TTC38: variants seen among roughly 807,000 people sequenced by gnomAD.
TTC38 encodes tetratricopeptide repeat protein 38.
TTC38 carries 64 observed loss-of-function variants against 64.2 expected under a neutral mutation model. The observed-to-expected ratio is 1.00, with a 90% CI of 0.81 to 1.23. The LOEUF is 1.23. TTC38 is among the 50% of genes most tolerant of loss of function. The pLI is 0.00. For synonymous variants in TTC38, 254 were observed against 249.3 expected (o/e 1.02, Z -0.18); for missense variants, 573 against 615.5 (o/e 0.93, Z 0.73).
chr22:46,282,122 C>G lies in TTC38; in HGVS notation c.735+404C>G. 1 of 388,110 alleles carries G rather than the reference C, an allele frequency of 2.6e-6. No homozygotes were observed. Among genetic ancestry groups the G allele is most frequent in the South Asian group, 1.9e-5 (1 of 52,118 alleles). 24.0% of individuals were successfully genotyped at this position (388,110 alleles called of 1,614,324 possible). A position where few individuals can be genotyped will look rare whatever the true frequency, so the allele number is the denominator to read the frequency against. On this transcript the variant is annotated intron_variant, in intron 7 of 13. Coordinates refer to ENST00000381031, the MANE Select transcript of TTC38 (RefSeq NM_017931.4). This position sits in a 1 kb window ranked among gnomAD's most constrained non-coding sequence, Gnocchi z 4.4. Reference sequence around the variant, plus strand: ...AGGGAAGGCATCCTGGAGGGGGCAACCTCTGAGTTGGCTACTGAAGGATGA... The same window carrying G: ...AGGGAAGGCATCCTGGAGGGGGCAAGCTCTGAGTTGGCTACTGAAGGATGA...
chr22:46,275,537 C>G lies in TTC38; in HGVS notation c.539+116C>G, dbSNP rs774476435. 11 of 1,052,128 alleles carry G rather than the reference C, an allele frequency of 1.0e-5. No homozygotes were observed. The highest frequency in any genetic ancestry group is 1.4e-5 in the Non-Finnish European group (10 of 730,708). The allele number at this position is 1,052,128 out of a possible 1,614,324, so 65.2% of individuals were successfully genotyped here. ...AAATAATGGGACCACTGTTGCTATTCTCCTAGTTCCTTAAAGTTCAAAGGC... is the reference window on the plus strand; with the variant it reads ...AAATAATGGGACCACTGTTGCTATTGTCCTAGTTCCTTAAAGTTCAAAGGC... On this transcript the variant is annotated intron_variant, in intron 5 of 13. Transcript: ENST00000381031. The surrounding 1 kb of genome is among the most constrained non-coding windows in gnomAD (Gnocchi z 4.5).
intron 7 of TTC38, among the ~76,000 whole-genome samples, chr22:46,283,387 G>A (rs1217390976): frequency 1.3e-5 from 2 of 152,148 alleles, no homozygotes; most frequent in African/African-American, 4.8e-5. Context: ...CCTCTGCACC[G>A]GTCCTGGGGC....
intron 2 of TTC38, chr22:46,269,070 G>T: frequency 2.5e-6 from 1 of 392,340 alleles, no homozygotes; most frequent in Non-Finnish European, 5.0e-6. Context: ...GGACGTGGGA[G>T]GGTGGGGACA....
At position 46,287,172 on chromosome 22, in the gene TTC38, C is replaced by A; in HGVS notation, c.916+18C>A. 1.3e-6 allele frequency: 2 copies of A among 1,589,050 alleles called. No individual in the cohort carries two copies. The highest frequency in any genetic ancestry group is 1.7e-5 in the Admixed American group (1 of 59,146). On this transcript the variant is annotated intron_variant, in intron 10 of 13. Coordinates refer to ENST00000381031, the MANE Select transcript of TTC38 (RefSeq NM_017931.4). Reference sequence around the variant, plus strand: ...GATGGAAGGTAGCCATCCCTGCAGCCCCACTGGCTTCTGCCTCTTCCTCCC... The same window carrying A: ...GATGGAAGGTAGCCATCCCTGCAGCACCACTGGCTTCTGCCTCTTCCTCCC...
Position 46,282,917 on chromosome 22 carries a change from C to G in TTC38, c.736-1056C>G, listed in dbSNP as rs1385679242. On this transcript the variant is annotated intron_variant, in intron 7 of 13. Transcript: ENST00000381031. The surrounding 1 kb of genome is among the most constrained non-coding windows in gnomAD (Gnocchi z 4.4). ...GGAGTGTGGCCCTGGGCCTGTTGAT[C>G]TCTGCAGGTTTTTGTTTTTGTTTTT... Among the ~76,000 whole-genome samples the G allele has an allele frequency of 6.6e-6, 1 of 152,150 alleles. No homozygotes were observed. Among genetic ancestry groups the G allele is most frequent in the Non-Finnish European group, 1.5e-5 (1 of 68,018 alleles).
At position 46,268,504 on chromosome 22, in the gene TTC38, C is replaced by T. The variant is rs1489648306; in HGVS notation, c.34-10C>T. 1.2e-6 allele frequency: 2 copies of T among 1,613,844 alleles called. No individual in the cohort carries two copies. The highest frequency in any genetic ancestry group is 1.7e-6 in the Non-Finnish European group (2 of 1,179,932). On this transcript the variant is annotated splice_polypyrimidine_tract_variant and intron_variant, in intron 1 of 13. Transcript: ENST00000381031. ...AGAAGGCACTGCTATTCCCTTCTTGCCGTCTGTAGGCCTGGAAGGATGCGA... is the reference window on the plus strand; with the variant it reads ...AGAAGGCACTGCTATTCCCTTCTTGTCGTCTGTAGGCCTGGAAGGATGCGA...
At chr22:46,287,971 A>T (rs1366355863) in intron 10 of TTC38, among the ~76,000 whole-genome samples, 1 of 152,150 alleles carries the variant, frequency 6.6e-6, no homozygotes, top group Non-Finnish European at 1.5e-5. Context: ...ATGTGGTCAG[A>T]TGGGCCAACA....
chr22:46,288,889 A>G (rs2077591354), intron 11 of TTC38, among the ~76,000 whole-genome samples: 1 of 152,248 alleles, frequency 6.6e-6, no homozygotes, highest in South Asian at 2.1e-4. Context: ...GAGAGGACAC[A>G]GTGAAGCCCT....
In TTC38 at chr22:46,274,132, A is replaced by T; in HGVS notation, c.365+63A>T. 2.0e-5 allele frequency: 21 copies of T among 1,041,962 alleles called. No homozygotes were observed. The highest frequency in any genetic ancestry group is 2.8e-5 in the Non-Finnish European group (20 of 701,950). The allele number at this position is 1,041,962 out of a possible 1,614,324, so 64.5% of individuals were successfully genotyped here. A position where few individuals can be genotyped will look rare whatever the true frequency, so the allele number is the denominator to read the frequency against. Reference sequence around the variant, plus strand: ...GGCTGAGCTGGGGGAGTGGCAGGGTATCCCTTTCCTGATGCCCTTGGGACG... The same window carrying T: ...GGCTGAGCTGGGGGAGTGGCAGGGTTTCCCTTTCCTGATGCCCTTGGGACG... On this transcript the variant is annotated intron_variant, in intron 4 of 13. Coordinates refer to ENST00000381031, the MANE Select transcript of TTC38 (RefSeq NM_017931.4). This position sits in a 1 kb window ranked among gnomAD's most constrained non-coding sequence, Gnocchi z 4.8.
At position 46,281,473 on chromosome 22, in the gene TTC38, G is replaced by A. The variant is rs144358576; in HGVS notation, c.616-126G>A. 5.6e-4 allele frequency: 410 copies of A among 727,992 alleles called. 4 individuals are homozygous for A. In the East Asian group the frequency reaches 9.0e-3, roughly 16 times the overall value. 45.1% of individuals were successfully genotyped at this position (727,992 alleles called of 1,614,324 possible). ...TGTCAGTGTTTTGAGTCAGAGCCCC[G>A]CCCCCCCACTTGCTCCACCCCGTTC... On this transcript the variant is annotated intron_variant, in intron 6 of 13. Transcript: ENST00000381031. The surrounding 1 kb of genome is among the most constrained non-coding windows in gnomAD (Gnocchi z 5.2).
At chr22:46,268,166 C>G in intron 1 of TTC38, 94 bp downstream of exon 1, 2 of 1,398,390 alleles carry the variant, frequency 1.4e-6, no homozygotes, top group South Asian at 1.3e-5. Flanking sequence ...ATGGCCCGGG[C>G]GCGGGGCGTG....
chr22:46,278,637 C>G lies in TTC38; in HGVS notation c.591C>G (p.Asp197Glu). The change falls in exon 6 of 14, where the codon GAC (aspartate) becomes GAG (glutamate). Residue 197 changes from aspartate to glutamate, a missense_variant. Coordinates refer to ENST00000381031, the MANE Select transcript of TTC38 (RefSeq NM_017931.4). Reference sequence around the variant, plus strand: ...GCTTGATGGAAACCAACTTCTACGACCAGGCAGAAAAACTCGCCAAAGAGG... The same window carrying G: ...GCTTGATGGAAACCAACTTCTACGAGCAGGCAGAAAAACTCGCCAAAGAGG... ...SFGLMETNFY[D>E]QAEKLAKEAL... 1 of 1,614,122 alleles carries G rather than the reference C, an allele frequency of 6.2e-7. No homozygotes were observed. The highest frequency in any genetic ancestry group is 1.3e-5 in the African/African-American group (1 of 75,028).
chr22:46,276,523 CA>C lies in TTC38; in HGVS notation c.539+1107del, dbSNP rs1175362286. On this transcript the variant is annotated intron_variant, in intron 5 of 13. Coordinates refer to ENST00000381031, the MANE Select transcript of TTC38 (RefSeq NM_017931.4). This position sits in a 1 kb window ranked among gnomAD's most constrained non-coding sequence, Gnocchi z 4.7. Reference sequence around the variant, plus strand: ...TCAACATGGCAAGACTCTGTCTCTACAAAAAGAAAAAATAAATTAAAAAAGT... The same window carrying C: ...TCAACATGGCAAGACTCTGTCTCTACAAAAGAAAAAATAAATTAAAAAAGT... Among the ~76,000 whole-genome samples, 1 of 151,412 alleles carries C rather than the reference CA, an allele frequency of 6.6e-6. No individual in the cohort carries two copies. Among genetic ancestry groups the C allele is most frequent in the Non-Finnish European group, 1.5e-5 (1 of 67,918 alleles).
In TTC38 at chr22:46,293,259, C is replaced by G. The variant is rs942092766; in HGVS notation, c.*375C>G. 1.3e-5 allele frequency: 3 copies of G among 230,408 alleles called. No homozygotes were observed. Among genetic ancestry groups the G allele is most frequent in the South Asian group, 1.6e-4 (2 of 12,168 alleles). The allele number at this position is 230,408 out of a possible 1,614,324, so 14.3% of individuals were successfully genotyped here. A position where few individuals can be genotyped will look rare whatever the true frequency, so the allele number is the denominator to read the frequency against. ...ACAGGTCTTCCAGAGGCAGCCTCCC[C>G]CCACTGCCTGTCCCCGTCCCCACCA... On this transcript the variant is annotated 3_prime_UTR_variant, in exon 14 of 14. Transcript: ENST00000381031. This position sits in a 1 kb window ranked among gnomAD's most constrained non-coding sequence, Gnocchi z 6.6.
At chr22:46,287,882 A>G (rs2077582928) in intron 10 of TTC38, among the ~76,000 whole-genome samples, 1 of 152,210 alleles carries the variant, frequency 6.6e-6, no homozygotes, top group Non-Finnish European at 1.5e-5. Flanking sequence ...TTACTCTCAG[A>G]GAAAGCAGAC....
At chr22:46,277,214 C>G (rs2077498514) in intron 5 of TTC38, among the ~76,000 whole-genome samples, 1 of 151,982 alleles carries the variant, frequency 6.6e-6, no homozygotes, top group Non-Finnish European at 1.5e-5. Flanking sequence ...GCCCTATTGC[C>G]CTATTTTGTT....
rs1374365416 is a variant in TTC38 at position 46,278,573 on chromosome 22, T to C, written c.540-13T>C. The C allele has an allele frequency of 1.2e-6, 2 of 1,611,528 alleles. No individual in the cohort carries two copies. The highest frequency in any genetic ancestry group is 3.3e-5 in the Admixed American group (2 of 60,016). ...ATCATTTTGTATTCTGAGATCTTTT[T>C]TTCTGTTTTTAGCTATGTGAAAGGC... On this transcript the variant is annotated splice_polypyrimidine_tract_variant and intron_variant, in intron 5 of 13. Coordinates refer to ENST00000381031, the MANE Select transcript of TTC38 (RefSeq NM_017931.4).
At position 46,283,978 on chromosome 22, in the gene TTC38, T is replaced by C. The variant is rs1355263751; in HGVS notation, c.741T>C (p.Ser247=). Residue 247 remains serine (S), a synonymous_variant, in exon 8 of 14, where the codon TCT becomes TCC. Coordinates refer to ENST00000381031, the MANE Select transcript of TTC38 (RefSeq NM_017931.4). ...CTTTTTTTTTTTTTCTCCAGGACTC[T>C]GATATGTTGGCTTGTCATAACTATT... ...MQHSETFWKD[S]DMLACHNYWH... 2 of 1,583,240 alleles carry C rather than the reference T, an allele frequency of 1.3e-6. No individual in the cohort carries two copies. The highest frequency in any genetic ancestry group is 8.6e-7 in the Non-Finnish European group (1 of 1,164,508).
rs1447864928 is a variant in TTC38, at chr22:46,282,231, G to A, written c.735+513G>A. 3.4e-6 allele frequency: 1 copy of A among 298,386 alleles called. No homozygotes were observed. Among genetic ancestry groups the A allele is most frequent in the Non-Finnish European group, 6.7e-6 (1 of 148,450 alleles). The allele number at this position is 298,386 out of a possible 1,614,324, so 18.5% of individuals were successfully genotyped here. A position where few individuals can be genotyped will look rare whatever the true frequency, so the allele number is the denominator to read the frequency against. ...GAGCAAGGCCTCCAAGGCCTACAGT[G>A]GCCTGTGAGGGAGAGGAGAGCTGCT... On this transcript the variant is annotated intron_variant, in intron 7 of 13. Coordinates refer to ENST00000381031, the MANE Select transcript of TTC38 (RefSeq NM_017931.4). This position sits in a 1 kb window ranked among gnomAD's most constrained non-coding sequence, Gnocchi z 4.4.
Sources: allele counts gnomAD v4.1 joint callset (sites outside exome capture counted in the v4.1 genomes callset), GRCh38; gene constraint gnomAD v4.1.1; non-coding constraint Gnocchi (gnomAD v3.1); transcripts MANE v1.5; gene names NCBI Gene and HGNC (gene_info 2026-07-23, HGNC 2026-07-21).